The following YEATS2 variants were observed in gnomAD, a reference collection of about 807,000 sequenced individuals.
YEATS2 encodes the protein YEATS domain-containing protein 2.
In YEATS2, 77 loss-of-function variants were observed where a neutral mutation model predicts 163.2. The observed-to-expected ratio is 0.47, with a 90% CI of 0.39 to 0.57. YEATS2 has a LOEUF of 0.57. Ranked by LOEUF, YEATS2 falls within the 20% of genes least tolerant of loss-of-function variation. YEATS2 has a pLI of 0.00. For missense variants in YEATS2, 1,549 were observed against 1,729.8 expected (o/e 0.90, Z 1.85); for synonymous variants, 631 against 645.1 (o/e 0.98, Z 0.33).
intron 6 of YEATS2, among the ~76,000 whole-genome samples, chr3:183,727,633 T>C (rs1478230928): frequency 6.6e-6 from 1 of 152,176 alleles, no homozygotes; most frequent in Admixed American, 6.5e-5. Flanking sequence ...ATAGAAGGCC[T>C]GACTATATTT....
chr3:183,710,501 G>A (rs562494088), intron 1 of YEATS2, among the ~76,000 whole-genome samples: 1 of 152,170 alleles, frequency 6.6e-6, no homozygotes, highest in South Asian at 2.1e-4. Context: ...CCTCTTAAAT[G>A]TGTTTATAAG....
chr3:183,712,491 G>A (rs1283453152), intron 1 of YEATS2, among the ~76,000 whole-genome samples: 1 of 151,998 alleles, frequency 6.6e-6, no homozygotes, highest in African/African-American at 2.4e-5. Flanking sequence ...GATTACAGGC[G>A]TGAGTTACCG....
At position 183,736,715 on chromosome 3, in the gene YEATS2, T is replaced by C. The variant is rs763583944; in HGVS notation, c.813-3T>C. 5 of 1,611,280 alleles carry C rather than the reference T, an allele frequency of 3.1e-6. No individual in the cohort carries two copies. In the East Asian group the frequency reaches 1.1e-4, roughly 36 times the overall value. On this transcript the variant is annotated splice_polypyrimidine_tract_variant and splice_region_variant and intron_variant, in intron 7 of 30. Coordinates refer to ENST00000305135, the MANE Select transcript of YEATS2 (RefSeq NM_018023.5). ...GAACGTGTTAATATCTGCTTTTCCATAGAGAGCCTCCTTTTCACCTGACCA... is the reference window on the plus strand; with the variant it reads ...GAACGTGTTAATATCTGCTTTTCCACAGAGAGCCTCCTTTTCACCTGACCA...
chr3:183,807,971 G>T, intron 28 of YEATS2, 59 bp from the exon 29 acceptor site: 1 of 1,419,386 alleles, frequency 7.0e-7, no homozygotes, highest in South Asian at 1.2e-5. Flanking sequence ...ATGCTTGTTT[G>T]GAGAGAGGCT....
chr3:183,809,017 G>A, intron 29 of YEATS2, 80 bp from the exon 30 acceptor site: 2 of 1,457,526 alleles, frequency 1.4e-6, no homozygotes, highest in East Asian at 2.3e-5. Flanking sequence ...AACATTTGGG[G>A]TAAGGGATGG....
intron 26 of YEATS2, chr3:183,803,754 G>C: frequency 1.8e-6 from 1 of 551,084 alleles, no homozygotes; most frequent in Admixed American, 3.3e-5. Context: ...AGCGCAGGTG[G>C]AGACCAGGTG....
intron 7 of YEATS2, among the ~76,000 whole-genome samples, chr3:183,732,236 A>G (rs865519): frequency 0.74 from 113,027 of 151,740 alleles, 43,513 homozygotes; most frequent in East Asian, 0.96. Flanking sequence ...GGATCACGAG[A>G]TCAGGCGTTT....
At chr3:183,755,584 T>C (rs914334207) in intron 11 of YEATS2, among the ~76,000 whole-genome samples, 2 of 152,048 alleles carry the variant, frequency 1.3e-5, no homozygotes, top group African/African-American at 4.8e-5. Context: ...CTTTTGAGAG[T>C]ATTTTGCGGG....
At chr3:183,720,221 G>GT (rs1220262890) in intron 4 of YEATS2, among the ~76,000 whole-genome samples, 1 of 152,062 alleles carries the variant, frequency 6.6e-6, no homozygotes, top group African/African-American at 2.4e-5. Context: ...ATAAAGGAAT[G>GT]TTTTTTCCCA....
chr3:183,809,199 G>A, intron 30 of YEATS2, 29 bp downstream of exon 30: 1 of 1,601,978 alleles, frequency 6.2e-7, no homozygotes, highest in Non-Finnish European at 8.6e-7. Flanking sequence ...TCTGTGGTGT[G>A]AGGCTTACAC....
chr3:183,810,738 C>T lies in YEATS2; in HGVS notation c.*155C>T, dbSNP rs115999120. On this transcript the variant is annotated 3_prime_UTR_variant, in exon 31 of 31. Transcript: ENST00000305135. The stretch of plus-strand genomic sequence containing the variant: ...TGCCTGTTCCCACGTGTCACCAGCA[C>T]GCTGCACTCCAGATGAAATCCTCCT... The T allele has an allele frequency of 0.032, 20,030 of 631,716 alleles. 426 individuals carry two copies. The highest frequency in any genetic ancestry group is 0.043 in the Non-Finnish European group (15,442 of 356,562). The allele number at this position is 631,716 out of a possible 1,614,324, so 39.1% of individuals were successfully genotyped here.
At chr3:183,775,627 A>G (rs1167439616) in intron 17 of YEATS2, among the ~76,000 whole-genome samples, 3 of 152,156 alleles carry the variant, frequency 2.0e-5, no homozygotes, top group African/African-American at 7.2e-5. Flanking sequence ...GTCAGTAGCA[A>G]GCCTTCTCTT....
At chr3:183,798,494 C>G (rs536360603) in intron 22 of YEATS2, among the ~76,000 whole-genome samples, 7 of 152,238 alleles carry the variant, frequency 4.6e-5, no homozygotes, top group Non-Finnish European at 1.0e-4. Flanking sequence ...GCTGGGACTA[C>G]AGGCGCGTGC....
Position 183,811,470 on chromosome 3 carries a change from G to T in YEATS2, c.*887G>T, listed in dbSNP as rs1031816899. The T allele has an allele frequency of 6.5e-6, 1 of 152,700 alleles. No individual in the cohort carries two copies. The highest frequency in any genetic ancestry group is 1.5e-5 in the Non-Finnish European group (1 of 68,106). The allele number at this position is 152,700 out of a possible 1,614,324, so 9.5% of individuals were successfully genotyped here. ...GCGCCCGGCAGGCTCTTCTGGGGTCGTCTGTCCTATCCGTGGATTGTATAT... is the reference window on the plus strand; with the variant it reads ...GCGCCCGGCAGGCTCTTCTGGGGTCTTCTGTCCTATCCGTGGATTGTATAT... On this transcript the variant is annotated 3_prime_UTR_variant, in exon 31 of 31. Coordinates refer to ENST00000305135, the MANE Select transcript of YEATS2 (RefSeq NM_018023.5).
chr3:183,775,240 C>T (rs982518991), intron 17 of YEATS2, among the ~76,000 whole-genome samples: 2 of 152,194 alleles, frequency 1.3e-5, no homozygotes, highest in Non-Finnish European at 2.9e-5. Flanking sequence ...AATTCCCTGA[C>T]ATTGAATCAG....
At chr3:183,777,967 C>T (rs752413122) in intron 19 of YEATS2, among the ~76,000 whole-genome samples, 1 of 151,642 alleles carries the variant, frequency 6.6e-6, no homozygotes, top group Non-Finnish European at 1.5e-5. Flanking sequence ...CAAAAATTAG[C>T]CAGGTGCAGT....
chr3:183,808,620 C>G, intron 29 of YEATS2: 1 of 171,466 alleles, frequency 5.8e-6, no homozygotes, highest in Non-Finnish European at 1.2e-5. Flanking sequence ...CTTTGGGAGG[C>G]CGAGGCGGGT....
intron 13 of YEATS2, among the ~76,000 whole-genome samples, chr3:183,761,268 G>A (rs1354281364): frequency 1.3e-5 from 2 of 152,004 alleles, no homozygotes; most frequent in Non-Finnish European, 2.9e-5. Flanking sequence ...TGTATATTTA[G>A]TAGAGACAGG....
chr3:183,705,526 A>AT (rs911623101), intron 1 of YEATS2, among the ~76,000 whole-genome samples: 11 of 151,330 alleles, frequency 7.3e-5, no homozygotes, highest in Admixed American at 5.9e-4. Flanking sequence ...TTATCATGTT[A>AT]TTTTTTTTGC....
Sources: gnomAD v4.1 joint callset for allele counts (sites outside exome capture counted in the v4.1 genomes callset) on GRCh38, gnomAD v4.1.1 for gene constraint, MANE v1.5 for transcripts, NCBI Gene and HGNC (gene_info 2026-07-23, HGNC 2026-07-21) for gene names.